The following ZMYND15 variants were observed in gnomAD, a reference collection of about 807,000 sequenced individuals.
ZMYND15 encodes zinc finger MYND domain-containing protein 15.
ZMYND15 carries 54 observed loss-of-function variants against 81.7 expected under a neutral mutation model. The observed-to-expected ratio is 0.66, with a 90% CI of 0.53 to 0.83. The LOEUF (loss-of-function observed/expected upper bound fraction) is 0.83. Ranked by LOEUF, ZMYND15 falls within the 40% of genes least tolerant of loss-of-function variation. The pLI is 0.00. For synonymous variants in ZMYND15, 399 were observed against 387.0 expected, an observed-to-expected ratio of 1.03 and a Z score of -0.36; for missense variants, 925 against 973.5, an observed-to-expected ratio of 0.95 and a Z score of 0.66.
rs1916355810 is a variant in ZMYND15 at position 4,740,648 on chromosome 17, A to T, written c.100A>T (p.Thr34Ser). The change falls in exon 2 of 14, where the codon ACT becomes TCT. Residue 34 changes from threonine to serine, a missense_variant. Coordinates refer to ENST00000433935, the MANE Select transcript of ZMYND15 (RefSeq NM_001136046.3). Reference protein sequence around the residue: ...KFVAERGAVGTSLEGRCRQLE... With the variant: ...KFVAERGAVGSSLEGRCRQLE... ...TGTGGCAGAGCGTGGAGCTGTAGGG[A>T]CTAGCCTTGAGGGCCGCTGCCGGCA... 6.2e-7 allele frequency: 1 copy of T among 1,614,142 alleles called. No homozygotes were observed. The highest frequency in any genetic ancestry group is 8.5e-7 in the Non-Finnish European group (1 of 1,180,002).
Position 4,744,319 on chromosome 17 carries a change from G to A in ZMYND15, c.1584+41G>A, listed in dbSNP as rs369223235. The A allele has an allele frequency of 1.2e-5, 20 of 1,613,876 alleles. No homozygotes were observed. The highest frequency in any genetic ancestry group is 3.4e-6 in the Non-Finnish European group (4 of 1,179,902). The stretch of plus-strand genomic sequence containing the variant: ...CCTGAAGGTTGGGCATTTTGGTATG[G>A]GGGTGGGCACAGGGTAGACCCCAGA... On this transcript the variant is annotated intron_variant, in intron 9 of 13. Transcript: ENST00000433935. The surrounding 1 kb of genome is among the most constrained non-coding windows in gnomAD (Gnocchi z 4.1).
rs1366267478 is a variant in ZMYND15 at position 4,743,347 on chromosome 17, C to T, written c.1189C>T (p.Arg397Trp). Reference protein sequence around the residue: ...TFNKEAFLASRGLTRGYWTQL... With the variant: ...TFNKEAFLASWGLTRGYWTQL... Reference sequence around the variant, plus strand: ...CAACAAAGAGGCCTTCCTGGCCTCTCGGGGCCTCACTCGTGGCTATTGGAC... The same window carrying T: ...CAACAAAGAGGCCTTCCTGGCCTCTTGGGGCCTCACTCGTGGCTATTGGAC... Residue 397 changes from arginine to tryptophan, a missense_variant, in exon 6 of 14, where the codon CGG becomes TGG. Transcript: ENST00000433935. The surrounding 1 kb of genome is among the most constrained non-coding windows in gnomAD (Gnocchi z 4.3). 4.3e-6 allele frequency: 7 copies of T among 1,613,992 alleles called. No homozygotes were observed. The highest frequency in any genetic ancestry group is 2.7e-5 in the African/African-American group (2 of 74,896).
Position 4,740,878 on chromosome 17 carries a change from G to T in ZMYND15, c.330G>T (p.Glu110Asp), listed in dbSNP as rs1182837411. ...CCTACATCAGCTTTGTCAGCCTAGAGGATGGGGAGGAAGGGGAGGAGGAAG... is the reference window on the plus strand; with the variant it reads ...CCTACATCAGCTTTGTCAGCCTAGATGATGGGGAGGAAGGGGAGGAGGAAG... ...LSPYISFVSL[E>D]DGEEGEEEEE... The change falls in exon 2 of 14, where the codon GAG (glutamate) becomes GAT (aspartate). Residue 110 changes from glutamate to aspartate, a missense_variant. Glu to Asp is a conservative substitution (Grantham distance 45). Coordinates refer to ENST00000433935, the MANE Select transcript of ZMYND15 (RefSeq NM_001136046.3). The T allele has an allele frequency of 6.3e-7, 1 of 1,579,360 alleles. No individual in the cohort carries two copies. Among genetic ancestry groups the T allele is most frequent in the Non-Finnish European group, 8.6e-7 (1 of 1,160,844 alleles).
intron 1 of ZMYND15, 159 bp downstream of exon 1, chr17:4,740,209 C>G: frequency 3.7e-6 from 2 of 533,524 alleles, no homozygotes; most frequent in Non-Finnish European, 4.9e-6. Flanking sequence ...AGGATTAGCC[C>G]TCTCTCCTCT....
In ZMYND15 at chr17:4,740,994, C is replaced by T; in HGVS notation, c.446C>T (p.Pro149Leu). Residue 149 changes from proline to leucine, a missense_variant, in exon 2 of 14, where the codon CCT (proline) becomes CTT (leucine). By Grantham distance (98) the Pro-to-Leu change is moderately conservative. Transcript: ENST00000433935. Reference sequence around the variant, plus strand: ...CCAGAGGAGGACCGGGAGCTAGCCCCTACCAGCAGGGAGTCCCCCCAGGAA... The same window carrying T: ...CCAGAGGAGGACCGGGAGCTAGCCCTTACCAGCAGGGAGTCCCCCCAGGAA... Reference protein sequence around the residue: ...VEPEEDRELAPTSRESPQETN... With the variant: ...VEPEEDRELALTSRESPQETN... 1.9e-6 allele frequency: 3 copies of T among 1,558,794 alleles called. No individual in the cohort carries two copies. Among genetic ancestry groups the T allele is most frequent in the South Asian group, 2.4e-5 (2 of 84,824 alleles).
chr17:4,741,854 G>A (rs1567698194), intron 3 of ZMYND15, 38 bp downstream of exon 3: 1 of 1,587,148 alleles, frequency 6.3e-7, no homozygotes, highest in Non-Finnish European at 8.6e-7. Flanking sequence ...GGAGGACTCG[G>A]GCCCTGGATT....
Position 4,745,525 on chromosome 17 carries a change from A to C in ZMYND15, c.2057+150A>C. On this transcript the variant is annotated intron_variant, in intron 13 of 13. Transcript: ENST00000433935. The surrounding 1 kb of genome is among the most constrained non-coding windows in gnomAD (Gnocchi z 5.2). ...GCAACCTGCCTTCTCTGTCCCCACT[A>C]CTCGTCGCCCCCATGGGAGGTCTCG... 7.8e-6 allele frequency: 7 copies of C among 900,046 alleles called. No homozygotes were observed. Among genetic ancestry groups the C allele is most frequent in the East Asian group, 5.6e-5 (2 of 35,702 alleles). The allele number at this position is 900,046 out of a possible 1,614,324, so 55.8% of individuals were successfully genotyped here.
In ZMYND15 at chr17:4,744,002, G is replaced by C; in HGVS notation, c.1390G>C (p.Asp464His). ...CCCTCTCCTGCCAGGCTCATGGCAG[G>C]ATTACTACACATGGCGGGGCCTCAG... ...PPRGVFGSWQ[D>H]YYTWRGLSLD... The change falls in exon 8 of 14, where the codon GAT (aspartate) becomes CAT (histidine). Residue 464 changes from aspartate to histidine, a missense_variant. Physicochemically the swap from Asp to His is moderately conservative, Grantham distance 81. Coordinates refer to ENST00000433935, the MANE Select transcript of ZMYND15 (RefSeq NM_001136046.3). The surrounding 1 kb of genome is among the most constrained non-coding windows in gnomAD (Gnocchi z 4.1). 1 of 1,553,712 alleles carries C rather than the reference G, an allele frequency of 6.4e-7. No homozygotes were observed. The highest frequency in any genetic ancestry group is 8.7e-7 in the Non-Finnish European group (1 of 1,147,780).
rs761420007 is a variant in ZMYND15 at position 4,744,954 on chromosome 17, T to C, written c.1896+26T>C. 37 of 1,613,760 alleles carry C rather than the reference T, an allele frequency of 2.3e-5. No individual in the cohort carries two copies. The South Asian group carries it at 4.0e-4, about 17-fold the overall frequency. Reference sequence around the variant, plus strand: ...GTGGGCAATGGGGGCAAAAGGGAACTTCTCTCCCCTCCTGCCTGGCCCCTC... The same window carrying C: ...GTGGGCAATGGGGGCAAAAGGGAACCTCTCTCCCCTCCTGCCTGGCCCCTC... On this transcript the variant is annotated intron_variant, in intron 12 of 13. Coordinates refer to ENST00000433935, the MANE Select transcript of ZMYND15 (RefSeq NM_001136046.3). The surrounding 1 kb of genome is among the most constrained non-coding windows in gnomAD (Gnocchi z 4.1).
chr17:4,743,668 C>G lies in ZMYND15; in HGVS notation c.1298-99C>G. The G allele has an allele frequency of 7.5e-7, 1 of 1,334,112 alleles. No homozygotes were observed. The highest frequency in any genetic ancestry group is 1.0e-6 in the Non-Finnish European group (1 of 973,776). The allele number at this position is 1,334,112 out of a possible 1,614,324, so 82.6% of individuals were successfully genotyped here. On this transcript the variant is annotated intron_variant, in intron 6 of 13. Coordinates refer to ENST00000433935, the MANE Select transcript of ZMYND15 (RefSeq NM_001136046.3). The surrounding 1 kb of genome is among the most constrained non-coding windows in gnomAD (Gnocchi z 4.3). Reference sequence around the variant, plus strand: ...ATGCAAACCCCCATTCCTCTTACTGCGGCTGTCTCAGGGAATACAGCCCCT... The same window carrying G: ...ATGCAAACCCCCATTCCTCTTACTGGGGCTGTCTCAGGGAATACAGCCCCT...
In ZMYND15 at chr17:4,741,026, C is replaced by T. The variant is rs906222251; in HGVS notation, c.478C>T (p.Pro160Ser). The T allele has an allele frequency of 3.2e-6, 5 of 1,553,184 alleles. No individual in the cohort carries two copies. The highest frequency in any genetic ancestry group is 2.0e-5 in the Admixed American group (1 of 50,966). The change falls in exon 2 of 14, where the codon CCT (proline) becomes TCT (serine). Residue 160 changes from proline (P) to serine (S), a missense_variant. By Grantham distance (74) the Pro-to-Ser change is moderately conservative (BLOSUM62 -1). Coordinates refer to ENST00000433935, the MANE Select transcript of ZMYND15 (RefSeq NM_001136046.3). Reference protein sequence around the residue: ...TSRESPQETNPPGESEEAARE... With the variant: ...TSRESPQETNSPGESEEAARE... ...CAGGGAGTCCCCCCAGGAAACAAAC[C>T]CTCCAGGAGAGTCAGAGGAGGCTGC...
Position 4,744,336 on chromosome 17 carries a change from G to C in ZMYND15, c.1585-33G>C. ...TTGGTATGGGGGTGGGCACAGGGTA[G>C]ACCCCAGATCTTTCTTTCTTTCTGT... On this transcript the variant is annotated intron_variant, in intron 9 of 13. Transcript: ENST00000433935. The surrounding 1 kb of genome is among the most constrained non-coding windows in gnomAD (Gnocchi z 4.1). The C allele has an allele frequency of 6.2e-7, 1 of 1,613,738 alleles. No individual in the cohort carries two copies. Among genetic ancestry groups the C allele is most frequent in the Non-Finnish European group, 8.5e-7 (1 of 1,179,620 alleles).
chr17:4,745,518 C>T lies in ZMYND15; in HGVS notation c.2057+143C>T, dbSNP rs1400631838. 1.0e-6 allele frequency: 1 copy of T among 971,566 alleles called. No individual in the cohort carries two copies. Among genetic ancestry groups the T allele is most frequent in the African/African-American group, 1.7e-5 (1 of 60,280 alleles). 60.2% of individuals were successfully genotyped at this position (971,566 alleles called of 1,614,324 possible). A position where few individuals can be genotyped will look rare whatever the true frequency, so the allele number is the denominator to read the frequency against. Reference sequence around the variant, plus strand: ...CAGCCCAGCAACCTGCCTTCTCTGTCCCCACTACTCGTCGCCCCCATGGGA... The same window carrying T: ...CAGCCCAGCAACCTGCCTTCTCTGTTCCCACTACTCGTCGCCCCCATGGGA... On this transcript the variant is annotated intron_variant, in intron 13 of 13. Transcript: ENST00000433935. This position sits in a 1 kb window ranked among gnomAD's most constrained non-coding sequence, Gnocchi z 5.2.
Position 4,744,546 on chromosome 17 carries a change from C to CA in ZMYND15, c.1684-78dup. 1 of 1,602,730 alleles carries CA rather than the reference C, an allele frequency of 6.2e-7. No homozygotes were observed. The highest frequency in any genetic ancestry group is 8.5e-7 in the Non-Finnish European group (1 of 1,173,348). On this transcript the variant is annotated intron_variant, in intron 10 of 13. Transcript: ENST00000433935. This position sits in a 1 kb window ranked among gnomAD's most constrained non-coding sequence, Gnocchi z 4.1. ...GGTTGGGTCCTGCCCTTCTGCCCCCCACTCCCCATCTTGCCTGGTGCATCC... is the reference window on the plus strand; with the variant it reads ...GGTTGGGTCCTGCCCTTCTGCCCCCCAACTCCCCATCTTGCCTGGTGCATCC...
At chr17:4,742,212 C>A in intron 4 of ZMYND15, 119 bp from the exon 5 acceptor site, 25 of 1,529,034 alleles carry the variant, frequency 1.6e-5, no homozygotes, top group Non-Finnish European at 2.2e-5. Context: ...CTGTTACAGG[C>A]GGTTAGAGGG....
rs58866259 is a variant in ZMYND15, at chr17:4,744,967, T to A, written c.1896+39T>A. The A allele has an allele frequency of 3.1e-6, 5 of 1,612,276 alleles. No homozygotes were observed. The East Asian group carries it at 1.1e-4, about 36-fold the overall frequency. ...GCAAAAGGGAACTTCTCTCCCCTCC[T>A]GCCTGGCCCCTCCCCATCTCCTTTT... is the stretch of plus-strand genomic sequence containing the variant. On this transcript the variant is annotated intron_variant, in intron 12 of 13. Transcript: ENST00000433935. This position sits in a 1 kb window ranked among gnomAD's most constrained non-coding sequence, Gnocchi z 4.1.
rs766498614 is a variant in ZMYND15 at position 4,745,946 on chromosome 17, C to A, written c.2185C>A (p.Arg729=). Residue 729 remains arginine, a synonymous_variant, in exon 14 of 14, where the codon CGA becomes AGA. Coordinates refer to ENST00000433935, the MANE Select transcript of ZMYND15 (RefSeq NM_001136046.3). This position sits in a 1 kb window ranked among gnomAD's most constrained non-coding sequence, Gnocchi z 5.2. ...SAPPAPTRRR[R]GEKKPGRGAR... ...TCCTCCTGCCCCCACCCGAAGGCGC[C>A]GAGGAGAAAAGAAACCTGGGCGGGG... The A allele has an allele frequency of 1.4e-6, 2 of 1,471,504 alleles. No homozygotes were observed. Among genetic ancestry groups the A allele is most frequent in the African/African-American group, 1.5e-5 (1 of 67,788 alleles). The allele number at this position is 1,471,504 out of a possible 1,614,324, so 91.2% of individuals were successfully genotyped here.
chr17:4,743,757 A>C lies in ZMYND15; in HGVS notation c.1298-10A>C, dbSNP rs376868908. The C allele has an allele frequency of 3.4e-5, 55 of 1,611,716 alleles. No individual in the cohort carries two copies. The Admixed American group carries it at 8.2e-4, about 24-fold the overall frequency. ...CTGACCCCAGGCCCCTCCTTCTTTC[A>C]TCCTCTCAGGAGACCCCTACCAGCT... On this transcript the variant is annotated splice_polypyrimidine_tract_variant and intron_variant, in intron 6 of 13. Transcript: ENST00000433935. The surrounding 1 kb of genome is among the most constrained non-coding windows in gnomAD (Gnocchi z 4.3).
chr17:4,741,898 C>T lies in ZMYND15; in HGVS notation c.828-17C>T, dbSNP rs766560101. 1 of 1,611,350 alleles carries T rather than the reference C, an allele frequency of 6.2e-7. No homozygotes were observed. The highest frequency in any genetic ancestry group is 8.5e-7 in the Non-Finnish European group (1 of 1,178,044). On this transcript the variant is annotated splice_polypyrimidine_tract_variant and intron_variant, in intron 3 of 13. Transcript: ENST00000433935. ...CCTCCTCCAGCCTGATGCCATCTCC[C>T]CCCCAACTGCATTTAGAGAGCTGGA... is the stretch of plus-strand genomic sequence containing the variant.
Sources: gnomAD v4.1 joint callset for allele counts on GRCh38, gnomAD v4.1.1 for gene constraint, Gnocchi (gnomAD v3.1) non-coding constraint, MANE v1.5 for transcripts, NCBI Gene and HGNC (gene_info 2026-07-23, HGNC 2026-07-21) for gene names.